Variants in FAXDC2 observed in about 807,000 individuals in gnomAD.
FAXDC2 encodes fatty acid hydroxylase domain-containing protein 2.
In FAXDC2, 41 loss-of-function variants were observed where a neutral mutation model predicts 40.9. The observed-to-expected ratio is 1.00, with a 90% CI of 0.78 to 1.30. FAXDC2 has a LOEUF of 1.30. FAXDC2 is among the 50% of genes most tolerant of loss of function. FAXDC2 has a pLI of 0.00. For missense variants in FAXDC2, 390 were observed against 408.8 expected (o/e 0.95, Z 0.40); for synonymous variants, 157 against 149.3 (o/e 1.05, Z -0.38).
rs201103545 is a variant in FAXDC2, at chr5:154,830,891, C to T, written c.276G>A (p.Trp92Ter). The T allele has an allele frequency of 6.2e-7, 1 of 1,614,042 alleles. No homozygotes were observed. Among genetic ancestry groups the T allele is most frequent in the East Asian group, 2.2e-5 (1 of 44,890 alleles). The change falls in exon 5 of 9, where the codon TGG (tryptophan) becomes TGA (stop). Residue 92 changes from tryptophan (W) to a stop codon, truncating the protein, a stop_gained. Transcript: ENST00000326080. LOFTEE classifies it high-confidence loss of function. ...GAIQVPCLFF[W>*]SFNGLLLVVD... is the part of the protein sequence containing the mutation. ...CCACCAATAGAAGCCCATTGAAGCT[C>T]CAGAAGAAGAGACAAGGCACTTGGA...
At chr5:154,832,380 A>AT (rs1262601978) in intron 4 of FAXDC2, among the ~76,000 whole-genome samples, 1 of 151,856 alleles carries the variant, frequency 6.6e-6, no homozygotes, top group Non-Finnish European at 1.5e-5. Flanking sequence ...CGCCCGACTA[A>AT]TTTTTTGTAT....
chr5:154,837,655 G>GT (rs1760384611), intron 2 of FAXDC2, among the ~76,000 whole-genome samples: 1 of 152,114 alleles, frequency 6.6e-6, no homozygotes, highest in Non-Finnish European at 1.5e-5. Context: ...GGGATGTTGG[G>GT]TTTTTTCATC....
At chr5:154,844,293 G>A (rs1582541317) in intron 1 of FAXDC2, among the ~76,000 whole-genome samples, 1 of 150,810 alleles carries the variant, frequency 6.6e-6, no homozygotes, top group African/African-American at 2.4e-5. Context: ...TAGGTGGGAC[G>A]ATCACTTGAG....
At chr5:154,837,933 C>T (rs1760391745) in intron 2 of FAXDC2, among the ~76,000 whole-genome samples, 198 bp downstream of exon 2, 1 of 152,172 alleles carries the variant, frequency 6.6e-6, no homozygotes, top group African/African-American at 2.4e-5. Context: ...TCGCAGTCTG[C>T]ATTCAGGCAA....
chr5:154,846,455 A>T (rs904110526), intron 1 of FAXDC2, among the ~76,000 whole-genome samples: 2 of 152,204 alleles, frequency 1.3e-5, no homozygotes. Flanking sequence ...TTTTCCAGAG[A>T]AAGTAGGAGG....
At chr5:154,831,203 A>C (rs1261166085) in intron 4 of FAXDC2, 2 of 282,614 alleles carry the variant, frequency 7.1e-6, no homozygotes, top group Non-Finnish European at 1.4e-5. Context: ...TAAGATATAT[A>C]ATACCCTCTA....
chr5:154,845,764 G>A (rs558573364), intron 1 of FAXDC2, among the ~76,000 whole-genome samples: 1 of 149,660 alleles, frequency 6.7e-6, no homozygotes, highest in South Asian at 2.1e-4. Flanking sequence ...GAGGTATTTA[G>A]TATTTGGCTT....
chr5:154,842,838 T>TA (rs200938375), intron 1 of FAXDC2, among the ~76,000 whole-genome samples: 13 of 149,448 alleles, frequency 8.7e-5, no homozygotes, highest in Admixed American at 3.4e-4. Context: ...CCCTTTTTTT[T>TA]TAAAAAAAAA....
chr5:154,824,076 C>G, intron 5 of FAXDC2: 1 of 233,442 alleles, frequency 4.3e-6, no homozygotes, highest in Non-Finnish European at 8.5e-6. Context: ...TGCAGTAGGC[C>G]CAGAGCAAAG....
chr5:154,835,376 G>T (rs1371566998), intron 2 of FAXDC2: 2 of 167,608 alleles, frequency 1.2e-5, no homozygotes, highest in African/African-American at 2.4e-5. Flanking sequence ...GTCCCTGGGG[G>T]TGGGACCTGG....
intron 1 of FAXDC2, among the ~76,000 whole-genome samples, chr5:154,839,309 G>A (rs1193253774): frequency 4.8e-5 from 7 of 145,912 alleles, no homozygotes; most frequent in African/African-American, 1.8e-4. Flanking sequence ...CTGGGCAACA[G>A]AGCAAGACTC....
intron 8 of FAXDC2, chr5:154,821,004 T>C: frequency 2.2e-6 from 1 of 464,302 alleles, no homozygotes; most frequent in Non-Finnish European, 3.9e-6. Flanking sequence ...TATGTACTTT[T>C]CTAAAGAGAA....
chr5:154,824,241 A>C, intron 5 of FAXDC2: 1 of 526,524 alleles, frequency 1.9e-6, no homozygotes. Context: ...TGGCCTCAAT[A>C]CTGCAGCCAA....
chr5:154,824,183 C>T, intron 5 of FAXDC2: 2 of 334,726 alleles, frequency 6.0e-6, no homozygotes. Flanking sequence ...CAAGCATTTC[C>T]ACCAGGGTCC....
chr5:154,823,662 A>C, intron 5 of FAXDC2, 70 bp from the exon 6 acceptor site: 1 of 1,286,408 alleles, frequency 7.8e-7, no homozygotes, highest in Non-Finnish European at 1.1e-6. Context: ...ACCTGCTTAC[A>C]GGAGGCCCTC....
At chr5:154,835,094 C>A (rs1001344526) in intron 2 of FAXDC2, 160 bp from the exon 3 acceptor site, 14 of 604,034 alleles carry the variant, frequency 2.3e-5, no homozygotes, top group Non-Finnish European at 3.9e-5. Flanking sequence ...TCTGTGGGAG[C>A]CTCTTCCTTA....
At chr5:154,830,595 C>G in intron 5 of FAXDC2, 5 of 498,282 alleles carry the variant, frequency 1.0e-5, no homozygotes, top group Non-Finnish European at 1.1e-5. Flanking sequence ...GACCAGAACA[C>G]TGGTCTTGAC....
intron 5 of FAXDC2, chr5:154,823,862 T>C (rs1348317864): frequency 2.2e-6 from 1 of 450,270 alleles, no homozygotes; most frequent in East Asian, 4.2e-5. Flanking sequence ...TTCTGCACAT[T>C]ATCACCACTG....
intron 5 of FAXDC2, among the ~76,000 whole-genome samples, chr5:154,828,612 CT>C (rs1760103667): frequency 6.6e-6 from 1 of 150,424 alleles, no homozygotes; most frequent in African/African-American, 2.4e-5. Context: ...TTTTTTCCCC[CT>C]AGAGACAGTG....
Sources: gnomAD v4.1 joint callset for allele counts (sites outside exome capture counted in the v4.1 genomes callset) on GRCh38, gnomAD v4.1.1 for gene constraint, MANE v1.5 for transcripts, NCBI Gene and HGNC (gene_info 2026-07-23, HGNC 2026-07-21) for gene names.